NCOR2: variants seen among roughly 807,000 people sequenced by gnomAD.
The protein encoded by NCOR2 is CTG repeat protein 26.
NCOR2 carries 81 observed loss-of-function variants against 262.9 expected under a neutral mutation model. The observed-to-expected ratio is 0.31, with a 90% CI of 0.26 to 0.37. NCOR2 has a LOEUF of 0.37. NCOR2 is among the 10% of genes least tolerant of loss of function. The pLI, the probability that NCOR2 is intolerant of heterozygous loss-of-function variation, is 1.00. For synonymous variants in NCOR2, 1,659 were observed against 1,559.3 expected (o/e 1.06, Z -1.51); for missense variants, 3,385 against 3,621.4 (o/e 0.93, Z 1.68).
chr12:124,500,027 C>T (rs1005929578), upstream of NCOR2, among the ~76,000 whole-genome samples: 5 of 152,130 alleles, frequency 3.3e-5, no homozygotes, highest in African/African-American at 1.2e-4. Context: ...CTGCGAGGAC[C>T]CTGTGCCTGT....
chr12:124,495,019 C>A lies in NCOR2; in HGVS notation c.105+128G>T. On this transcript the variant is annotated intron_variant, in intron 1 of 46. Coordinates refer to ENST00000405201, the Ensembl canonical transcript of NCOR2. The surrounding 1 kb of genome is among the most constrained non-coding windows in gnomAD (Gnocchi z 4.4). ...CACCAGGGGTCTCTGTGGCGGCCTCCCCTCTGCCCTGGGAGGCTCAGAGCC... is the reference window on the plus strand; with the variant it reads ...CACCAGGGGTCTCTGTGGCGGCCTCACCTCTGCCCTGGGAGGCTCAGAGCC... 8.5e-7 allele frequency: 1 copy of A among 1,181,414 alleles called. No individual in the cohort carries two copies. 73.2% of individuals were successfully genotyped at this position (1,181,414 alleles called of 1,614,324 possible). A position where few individuals can be genotyped will look rare whatever the true frequency, so the allele number is the denominator to read the frequency against.
chr12:124,393,172 A>G (rs1307730119), intron 16 of NCOR2, among the ~76,000 whole-genome samples: 4 of 152,210 alleles, frequency 2.6e-5, no homozygotes, highest in Non-Finnish European at 5.9e-5. Context: ...CTTCCAAGCC[A>G]GGCCAGGCTG....
intron 1 of NCOR2, among the ~76,000 whole-genome samples, chr12:124,558,521 G>A (rs1458133039): frequency 6.6e-6 from 1 of 152,234 alleles, no homozygotes; most frequent in Non-Finnish European, 1.5e-5. Context: ...CAGAGAGCAG[G>A]CAGGAGGCGG....
At chr12:124,462,530 G>A (rs2046219766) in intron 5 of NCOR2, among the ~76,000 whole-genome samples, 1 of 152,254 alleles carries the variant, frequency 6.6e-6, no homozygotes, top group South Asian at 2.1e-4. Context: ...GAGGACGCGT[G>A]CAGCAGCCTC....
exon 47 of NCOR2, chr12:124,325,389 G>A (rs768568267): frequency 5.1e-5 from 20 of 393,226 alleles, no homozygotes; most frequent in East Asian, 3.5e-4. Flanking sequence ...CCCCCCCCCC[G>A]CCCTGTTCTG....
chr12:124,415,132 G>A (rs921959151), intron 13 of NCOR2, among the ~76,000 whole-genome samples: 7 of 152,146 alleles, frequency 4.6e-5, no homozygotes, highest in African/African-American at 1.4e-4. Flanking sequence ...AGTGGGTGGG[G>A]AGTGGTCTCA....
At chr12:124,527,415 T>G (rs549702720) in intron 1 of NCOR2, among the ~76,000 whole-genome samples, 1 of 152,182 alleles carries the variant, frequency 6.6e-6, no homozygotes, top group South Asian at 2.1e-4. Flanking sequence ...ATGAAATAAT[T>G]TTTTATTTAT....
chr12:124,450,768 C>A (rs957642164), intron 6 of NCOR2, among the ~76,000 whole-genome samples: 1 of 152,222 alleles, frequency 6.6e-6, no homozygotes, highest in Non-Finnish European at 1.5e-5. Context: ...GCTTAGCAAC[C>A]AAGGGCACAG....
intron 13 of NCOR2, among the ~76,000 whole-genome samples, chr12:124,416,670 A>G (rs2042882885): frequency 6.8e-6 from 1 of 146,804 alleles, no homozygotes; most frequent in African/African-American, 2.6e-5. Flanking sequence ...CCCACAGCAC[A>G]GGGAGACCCG....
chr12:124,437,821 G>A (rs567167280), intron 8 of NCOR2, 109 bp downstream of exon 10: 1 of 1,006,058 alleles, frequency 9.9e-7, no homozygotes, highest in African/African-American at 1.6e-5. Flanking sequence ...GGACACTCAG[G>A]GAGGACACAG....
At chr12:124,353,148 C>T (rs750647724) in intron 27 of NCOR2, among the ~76,000 whole-genome samples, 1 of 152,188 alleles carries the variant, frequency 6.6e-6, no homozygotes, top group Non-Finnish European at 1.5e-5. Context: ...CGGGTCATGG[C>T]CACTCAGGAA....
Position 124,389,104 on chromosome 12 carries a change from G to T in NCOR2, c.1877-3217C>A, listed in dbSNP as rs2041072136. Among the ~76,000 whole-genome samples, 1 of 152,242 alleles carries T rather than the reference G, an allele frequency of 6.6e-6. No homozygotes were observed. Among genetic ancestry groups the T allele is most frequent in the African/African-American group, 2.4e-5 (1 of 41,462 alleles). On this transcript the variant is annotated intron_variant, in intron 16 of 46. Coordinates refer to ENST00000405201, the Ensembl canonical transcript of NCOR2. The surrounding 1 kb of genome is among the most constrained non-coding windows in gnomAD (Gnocchi z 4.4). The stretch of plus-strand genomic sequence containing the variant: ...GGGAAGTTGTCAGTGGTGCGTGTGG[G>T]ATGCCCCTGGGCCAGGTATCACCGG...
rs551811163 is a variant in NCOR2 at position 124,492,022 on chromosome 12, T to G, written c.105+3125A>C. 6.4e-4 allele frequency among the ~76,000 whole-genome samples: 98 copies of G among 152,318 alleles called. 1 individual carries two copies. Among genetic ancestry groups the G allele is most frequent in the Non-Finnish European group, 1.2e-3 (82 of 68,026 alleles). ...TGGTCTCAGGGTCCAGGCCTCTGTC[T>G]GCAAGCACCCAACTAAGTGAAGCCT... On this transcript the variant is annotated intron_variant, in intron 1 of 46. Coordinates refer to ENST00000405201, the Ensembl canonical transcript of NCOR2.
chr12:124,350,459 A>T, intron 28 of NCOR2, 128 bp downstream of exon 30: 1 of 1,235,340 alleles, frequency 8.1e-7, no homozygotes, highest in Non-Finnish European at 1.1e-6. Flanking sequence ...CTGCAGGGAT[A>T]AGGAGGTCAC....
intron 1 of NCOR2, among the ~76,000 whole-genome samples, chr12:124,558,983 C>T (rs151019818): frequency 2.8e-4 from 42 of 152,284 alleles, no homozygotes; most frequent in African/African-American, 8.9e-4. Flanking sequence ...ATATAGGCCA[C>T]GGAAAACCAA....
intron 1 of NCOR2, among the ~76,000 whole-genome samples, chr12:124,493,079 G>A (rs563419040): frequency 6.6e-4 from 100 of 152,348 alleles, no homozygotes; most frequent in Middle Eastern, 3.4e-3. Context: ...GGCGGTGAGC[G>A]CTTGGCCCTG....
chr12:124,396,665 C>T (rs576828136), intron 16 of NCOR2, among the ~76,000 whole-genome samples: 1 of 152,266 alleles, frequency 6.6e-6, no homozygotes, highest in African/African-American at 2.4e-5. Context: ...CCAGGTTCAC[C>T]TCAGCCTGGG....
chr12:124,471,278 G>A (rs2046819452), intron 4 of NCOR2, among the ~76,000 whole-genome samples: 1 of 152,168 alleles, frequency 6.6e-6, no homozygotes, highest in South Asian at 2.1e-4. Flanking sequence ...TCACCCACCT[G>A]CCTACAGTGG....
At chr12:124,537,791 G>C (rs2051160237), upstream of NCOR2, 2 of 152,036 alleles carry the variant, frequency 1.3e-5, no homozygotes, top group South Asian at 2.1e-4. Flanking sequence ...GCCTTTGAAA[G>C]GGCAGCTGCG....
Sources: allele counts gnomAD v4.1 joint callset (sites outside exome capture counted in the v4.1 genomes callset), GRCh38; gene constraint gnomAD v4.1.1; non-coding constraint Gnocchi (gnomAD v3.1); transcripts MANE v1.5; gene names NCBI Gene and HGNC (gene_info 2026-07-23, HGNC 2026-07-21).